Variants in GPR137C observed in about 807,000 individuals in gnomAD.
The protein encoded by GPR137C is integral membrane protein GPR137C.
GPR137C carries 27 observed loss-of-function variants against 43.4 expected under a neutral mutation model. The ratio of observed to expected loss-of-function variants is 0.62; its 90% CI spans 0.46 to 0.86. The LOEUF is 0.86. Ranked by LOEUF, GPR137C falls within the 40% of genes least tolerant of loss-of-function variation. The pLI, the probability that GPR137C is intolerant of heterozygous loss-of-function variation, is 0.00. For synonymous variants in GPR137C, 285 were observed against 226.9 expected (o/e 1.26, Z -2.30); for missense variants, 522 against 534.6 (o/e 0.98, Z 0.23).
chr14:52,612,623 G>A (rs117552278), intron 3 of GPR137C: 5 of 533,884 alleles, frequency 9.4e-6, no homozygotes, highest in South Asian at 1.6e-4. Context: ...ATGTAGTGGC[G>A]CAATTATAGC....
chr14:52,615,912 CTA>C (rs1191276094), intron 3 of GPR137C, among the ~76,000 whole-genome samples: 3 of 152,116 alleles, frequency 2.0e-5, no homozygotes, highest in Non-Finnish European at 4.4e-5. Context: ...TTTTTAAATA[CTA>C]GTTATTGTAA....
chr14:52,574,686 C>T (rs1051447833), intron 1 of GPR137C, among the ~76,000 whole-genome samples: 3 of 152,142 alleles, frequency 2.0e-5, no homozygotes, highest in Non-Finnish European at 2.9e-5. Flanking sequence ...ACGTTCTGCA[C>T]GTGTATCCCA....
chr14:52,566,058 C>G (rs913314899), intron 1 of GPR137C, among the ~76,000 whole-genome samples: 1 of 152,150 alleles, frequency 6.6e-6, no homozygotes, highest in Non-Finnish European at 1.5e-5. Flanking sequence ...TGATCTAATA[C>G]AGTATCTCAA....
At chr14:52,556,018 T>C (rs2038186878) in intron 1 of GPR137C, among the ~76,000 whole-genome samples, 2 of 152,202 alleles carry the variant, frequency 1.3e-5, no homozygotes, top group South Asian at 4.1e-4. Context: ...ATGAAGTTTT[T>C]CCTAGTGAGT....
intron 3 of GPR137C, among the ~76,000 whole-genome samples, chr14:52,610,661 A>T (rs902473741): frequency 6.6e-6 from 1 of 152,238 alleles, no homozygotes; most frequent in Non-Finnish European, 1.5e-5. Context: ...CAAATACCCT[A>T]TGGGTAAGGA....
chr14:52,583,224 A>G (rs1464695617), intron 1 of GPR137C, among the ~76,000 whole-genome samples: 1 of 152,180 alleles, frequency 6.6e-6, no homozygotes, highest in Non-Finnish European at 1.5e-5. Context: ...TGTTTCATGA[A>G]TTATTTCAGT....
Position 52,617,043 on chromosome 14 carries a change from G to A in GPR137C, c.718-15117G>A, listed in dbSNP as rs561376871. ...TGCCCAGATTCAGTACCTAAAAACT[G>A]GTATTGGTTAAATCCTTCTTTCCTC... On this transcript the variant is annotated intron_variant, in intron 3 of 6. Transcript: ENST00000321662. 8.3e-4 allele frequency among the ~76,000 whole-genome samples: 126 copies of A among 152,290 alleles called. 1 individual carries two copies. The highest frequency in any genetic ancestry group is 3.4e-3 in the Middle Eastern group (1 of 294).
chr14:52,634,893 T>G (rs373870825), intron 6 of GPR137C, 45 bp from the exon 7 acceptor site: 18 of 1,564,636 alleles, frequency 1.2e-5, no homozygotes, highest in Non-Finnish European at 1.6e-5. Context: ...ACTTCTTATA[T>G]CCTGATCATA....
At chr14:52,553,994 C>T (rs1369643853) in intron 1 of GPR137C, among the ~76,000 whole-genome samples, 1 of 152,182 alleles carries the variant, frequency 6.6e-6, no homozygotes, top group Non-Finnish European at 1.5e-5. Flanking sequence ...GAGGTAGCAG[C>T]AGCTCTGCTG....
intron 1 of GPR137C, among the ~76,000 whole-genome samples, chr14:52,568,436 TG>T (rs1163169535): frequency 2.0e-5 from 3 of 151,882 alleles, no homozygotes; most frequent in South Asian, 2.1e-4. Flanking sequence ...CGGTGGCACC[TG>T]GAACACCAGC....
chr14:52,598,236 C>A, intron 1 of GPR137C, 36 bp from the exon 2 acceptor site: 1 of 831,516 alleles, frequency 1.2e-6, no homozygotes, highest in African/African-American at 1.8e-5. Flanking sequence ...CTATATTACA[C>A]GTTTTCAAAA....
At chr14:52,596,260 G>C (rs1421873598) in intron 1 of GPR137C, among the ~76,000 whole-genome samples, 2 of 152,202 alleles carry the variant, frequency 1.3e-5, no homozygotes, top group African/African-American at 4.8e-5. Flanking sequence ...GTGTCTCCCA[G>C]TCAGGCTACA....
At chr14:52,566,094 G>A (rs1340547680) in intron 1 of GPR137C, among the ~76,000 whole-genome samples, 2 of 152,186 alleles carry the variant, frequency 1.3e-5, no homozygotes, top group African/African-American at 2.4e-5. Context: ...ATAGATGCCA[G>A]TTAAACAGAG....
At chr14:52,586,497 A>G (rs1343089019) in intron 1 of GPR137C, among the ~76,000 whole-genome samples, 1 of 152,184 alleles carries the variant, frequency 6.6e-6, no homozygotes, top group South Asian at 2.1e-4. Context: ...GAATTTTAAC[A>G]ACGGCTCTAC....
At chr14:52,584,969 A>G (rs1427695623) in intron 1 of GPR137C, among the ~76,000 whole-genome samples, 2 of 152,150 alleles carry the variant, frequency 1.3e-5, no homozygotes, top group Non-Finnish European at 2.9e-5. Context: ...TCCACTATCA[A>G]CTGCTCAACT....
chr14:52,605,257 T>C (rs1158666585), intron 3 of GPR137C, among the ~76,000 whole-genome samples: 1 of 152,178 alleles, frequency 6.6e-6, no homozygotes. Flanking sequence ...GTTTTCATTA[T>C]AGAGATCTTT....
chr14:52,576,006 C>T (rs1175452485), intron 1 of GPR137C, among the ~76,000 whole-genome samples: 1 of 152,140 alleles, frequency 6.6e-6, no homozygotes, highest in Non-Finnish European at 1.5e-5. Context: ...GTCATATAGG[C>T]ATGGAGCATC....
intron 3 of GPR137C, among the ~76,000 whole-genome samples, chr14:52,622,949 C>T (rs2039177254): frequency 6.6e-6 from 1 of 152,058 alleles, no homozygotes; most frequent in Non-Finnish European, 1.5e-5. Context: ...TTCATTGCCA[C>T]CGTCTTGATT....
At chr14:52,614,203 C>A (rs1480003740) in intron 3 of GPR137C, among the ~76,000 whole-genome samples, 2 of 151,876 alleles carry the variant, frequency 1.3e-5, no homozygotes, top group Non-Finnish European at 2.9e-5. Flanking sequence ...TCCCCGCAGC[C>A]TCAACCTCCT....
Sources: allele counts gnomAD v4.1 joint callset (sites outside exome capture counted in the v4.1 genomes callset), GRCh38; gene constraint gnomAD v4.1.1; transcripts MANE v1.5; gene names NCBI Gene and HGNC (gene_info 2026-07-23, HGNC 2026-07-21).